NSUN6: variants seen among roughly 807,000 people sequenced by gnomAD.
The protein encoded by NSUN6 is NOP2/Sun RNA methyltransferase 6.
In NSUN6, 64 loss-of-function variants were observed where a neutral mutation model predicts 58.0. The ratio of observed to expected loss-of-function variants is 1.10; its 90% confidence interval spans 0.90 to 1.36. NSUN6 has a LOEUF of 1.36. Among genes scored for constraint, NSUN6 ranks in the 40% most tolerant of loss-of-function variants. NSUN6 has a pLI of 0.00. For synonymous variants in NSUN6, 231 were observed against 193.9 expected (o/e 1.19, Z -1.59); for missense variants, 701 against 550.1 (o/e 1.27, Z -2.74).
chr10:18,557,711 G>C (rs1175655414), intron 8 of NSUN6, among the ~76,000 whole-genome samples: 1 of 150,676 alleles, frequency 6.6e-6, no homozygotes, highest in Non-Finnish European at 1.5e-5. Context: ...GAATGAAATG[G>C]AATGGAGAAT....
At chr10:18,605,547 A>T (rs558092099) in intron 6 of NSUN6, among the ~76,000 whole-genome samples, 3 of 152,198 alleles carry the variant, frequency 2.0e-5, no homozygotes, top group Non-Finnish European at 4.4e-5. Context: ...ATGATTTTTT[A>T]AAATGTCTCC....
chr10:18,591,092 G>A (rs1044940821), intron 7 of NSUN6, among the ~76,000 whole-genome samples: 4 of 152,162 alleles, frequency 2.6e-5, no homozygotes, highest in East Asian at 3.8e-4. Flanking sequence ...ACTGCCATCA[G>A]AGAATACTAT....
At chr10:18,551,525 T>C (rs868082171) in intron 9 of NSUN6, among the ~76,000 whole-genome samples, 4 of 152,256 alleles carry the variant, frequency 2.6e-5, no homozygotes, top group Middle Eastern at 3.4e-3. Flanking sequence ...AGCTACCTCA[T>C]ATAAGCAAAA....
intron 6 of NSUN6, among the ~76,000 whole-genome samples, chr10:18,608,816 C>T (rs929969199): frequency 6.6e-6 from 1 of 152,054 alleles, no homozygotes; most frequent in Non-Finnish European, 1.5e-5. Flanking sequence ...ACATAATAAA[C>T]AAGCACAAAA....
intron 1 of NSUN6, among the ~76,000 whole-genome samples, chr10:18,649,821 T>C (rs2059652626): frequency 6.6e-6 from 1 of 152,310 alleles, no homozygotes; most frequent in African/African-American, 2.4e-5. Flanking sequence ...AATTGTGGTA[T>C]GCCCCTACTT....
At chr10:18,557,649 A>G (rs7101269) in intron 8 of NSUN6, among the ~76,000 whole-genome samples, 91,870 of 150,226 alleles carry the variant, frequency 0.61, 28,447 homozygotes, top group East Asian at 0.97. Flanking sequence ...GGAAAAGAGC[A>G]GAATGGAATG....
At chr10:18,641,189 T>C (rs2059381779) in intron 3 of NSUN6, among the ~76,000 whole-genome samples, 1 of 152,142 alleles carries the variant, frequency 6.6e-6, no homozygotes. Context: ...ATTAAACCAC[T>C]GCTCTATTGC....
At chr10:18,620,039 C>T (rs1269734868) in intron 3 of NSUN6, among the ~76,000 whole-genome samples, 1 of 151,960 alleles carries the variant, frequency 6.6e-6, no homozygotes, top group East Asian at 1.9e-4. Flanking sequence ...TGGAAGACCA[C>T]TACCACTATT....
chr10:18,558,382 T>C (rs1057353040), intron 8 of NSUN6, among the ~76,000 whole-genome samples: 12 of 149,104 alleles, frequency 8.0e-5, no homozygotes, highest in African/African-American at 3.0e-4. Context: ...GAGAATGGAA[T>C]GGAATGCAGT....
At chr10:18,590,756 A>G (rs2057348584) in intron 7 of NSUN6, among the ~76,000 whole-genome samples, 1 of 152,260 alleles carries the variant, frequency 6.6e-6, no homozygotes, top group Admixed American at 6.5e-5. Context: ...CAGTTAATGC[A>G]GTGTTAAGAG....
At chr10:18,650,816 A>T (rs1211422683) in intron 1 of NSUN6, among the ~76,000 whole-genome samples, 1 of 152,260 alleles carries the variant, frequency 6.6e-6, no homozygotes, top group Non-Finnish European at 1.5e-5. Context: ...CGCTCTTTTA[A>T]AATTCGATTC....
intron 2 of NSUN6, among the ~76,000 whole-genome samples, chr10:18,643,373 C>T (rs1350374983): frequency 6.6e-6 from 1 of 151,776 alleles, no homozygotes; most frequent in Non-Finnish European, 1.5e-5. Flanking sequence ...AACAAGTCTG[C>T]CTCGTAGGTT....
At chr10:18,546,566 A>G (rs139562258) in intron 10 of NSUN6, among the ~76,000 whole-genome samples, 146 of 152,264 alleles carry the variant, frequency 9.6e-4, no homozygotes, top group African/African-American at 3.3e-3. Context: ...GACTCAGTAA[A>G]TGGAACATTA....
chr10:18,606,691 C>A (rs1379868488), intron 6 of NSUN6, among the ~76,000 whole-genome samples: 1 of 152,084 alleles, frequency 6.6e-6, no homozygotes, highest in Non-Finnish European at 1.5e-5. Flanking sequence ...TTCTAAAATT[C>A]TATTCTGTAA....
intron 8 of NSUN6, among the ~76,000 whole-genome samples, chr10:18,555,028 GTGGAATGGAGAATGGAA>G (rs1296612193): frequency 2.5e-5 from 3 of 118,400 alleles, no homozygotes; most frequent in Non-Finnish European, 3.6e-5. Context: ...GGAATGGAGA[GTGGAATGGAGAATGGAA>G]TGGAATGGAG....
At chr10:18,626,240 A>G (rs2058798925) in intron 3 of NSUN6, among the ~76,000 whole-genome samples, 1 of 152,064 alleles carries the variant, frequency 6.6e-6, no homozygotes, top group Non-Finnish European at 1.5e-5. Context: ...TGTTTAAAAA[A>G]AAAAAAACAG....
chr10:18,566,135 ACATTCCATTCCATTCTC>A (rs1358774080), intron 8 of NSUN6, among the ~76,000 whole-genome samples: 4,291 of 131,722 alleles, frequency 0.033, 59 homozygotes, highest in African/African-American at 0.047. Context: ...ATTCCATTCC[ACATTCCATTCCATTCTC>A]CATTCCATTC....
At chr10:18,621,795 T>C (rs1027560191) in intron 3 of NSUN6, among the ~76,000 whole-genome samples, 2 of 152,184 alleles carry the variant, frequency 1.3e-5, no homozygotes, top group Non-Finnish European at 2.9e-5. Flanking sequence ...TAAAATCATG[T>C]ATTTTTATCT....
intron 6 of NSUN6, among the ~76,000 whole-genome samples, chr10:18,601,986 A>AG (rs1355156528): frequency 6.6e-6 from 1 of 151,592 alleles, no homozygotes; most frequent in Non-Finnish European, 1.5e-5. Flanking sequence ...GGAAAAAAAA[A>AG]GGGAAATAAA....
Sources: allele counts gnomAD v4.1 joint callset (sites outside exome capture counted in the v4.1 genomes callset), GRCh38; gene constraint gnomAD v4.1.1; transcripts MANE v1.5; gene names NCBI Gene and HGNC (gene_info 2026-07-23, HGNC 2026-07-21).